Variants in ECH1 observed in about 807,000 individuals in gnomAD.
ECH1 encodes the protein enoyl-CoA hydratase 1.
A neutral mutation model predicts 37.0 loss-of-function variants in ECH1; 30 were observed. The observed-to-expected ratio is 0.81, with a 90% CI of 0.61 to 1.10. ECH1 has a LOEUF of 1.10. Among genes scored for constraint, ECH1 ranks in the 50% least tolerant of loss-of-function variants. The probability of loss-of-function intolerance (pLI) is 0.00; values close to 1 mark genes in which losing one functional copy is unlikely to be tolerated. For synonymous variants in ECH1, 178 were observed against 176.0 expected (o/e 1.01, Z -0.09); for missense variants, 456 against 441.6 (o/e 1.03, Z -0.29).
At chr19:38,822,143 T>G (rs1357513321) in intron 3 of ECH1, among the ~76,000 whole-genome samples, 1 of 151,828 alleles carries the variant, frequency 6.6e-6, no homozygotes, top group Non-Finnish European at 1.5e-5. Flanking sequence ...GGTTTGTAAA[T>G]GCACCAATCA....
At chr19:38,825,808 C>T (rs1039822306) in intron 3 of ECH1, among the ~76,000 whole-genome samples, 15 of 152,176 alleles carry the variant, frequency 9.9e-5, no homozygotes, top group African/African-American at 1.4e-4. Flanking sequence ...TCCACTATGC[C>T]GAGGCAATCA....
In ECH1 at chr19:38,831,783, T is replaced by C; in HGVS notation, c.-11A>G. The C allele has an allele frequency of 6.2e-7, 1 of 1,612,868 alleles. No homozygotes were observed. Among genetic ancestry groups the C allele is most frequent in the Non-Finnish European group, 8.5e-7 (1 of 1,179,644 alleles). On this transcript the variant is annotated 5_prime_UTR_variant, in exon 1 of 10. Transcript: ENST00000221418. ...TATCCCCGCCGCCATCGCCGCCGCC[T>C]TCGTCTACTGCGTTCGGACGGAGTA...
rs757291201 is a variant in ECH1 at position 38,831,276 on chromosome 19, C to G, written c.260+33G>C. On this transcript the variant is annotated intron_variant, in intron 2 of 9. Transcript: ENST00000221418. Reference sequence around the variant, plus strand: ...CCAGTCCCGCAGCCCCGCCTCCCCCCGCAGGCAGGCCTCCAGGATCTGCAG... The same window carrying G: ...CCAGTCCCGCAGCCCCGCCTCCCCCGGCAGGCAGGCCTCCAGGATCTGCAG... 1.9e-6 allele frequency: 3 copies of G among 1,606,490 alleles called. No homozygotes were observed. In the South Asian group the frequency reaches 3.3e-5, roughly 18 times the overall value.
At chr19:38,827,576 G>A (rs928042486) in intron 3 of ECH1, among the ~76,000 whole-genome samples, 2 of 152,056 alleles carry the variant, frequency 1.3e-5, no homozygotes, top group African/African-American at 4.8e-5. Context: ...GAAGTGAGGG[G>A]GGATATTCCA....
chr19:38,829,862 C>T (rs1160432579), intron 3 of ECH1, among the ~76,000 whole-genome samples: 1 of 151,442 alleles, frequency 6.6e-6, no homozygotes, highest in East Asian at 1.9e-4. Flanking sequence ...AATTTAAAAT[C>T]AGTGGGTAGT....
chr19:38,816,619 C>T (rs907733461), intron 6 of ECH1, 96 bp from the exon 7 acceptor site: 51 of 1,404,090 alleles, frequency 3.6e-5, no homozygotes, highest in Non-Finnish European at 4.8e-5. Flanking sequence ...TGGAGAGTCC[C>T]GCCCCACCTT....
intron 3 of ECH1, among the ~76,000 whole-genome samples, chr19:38,823,507 G>A (rs528968990): frequency 3.3e-4 from 50 of 152,242 alleles, no homozygotes; most frequent in African/African-American, 1.2e-3. Flanking sequence ...TAGCATGGCC[G>A]CTGGACTAAA....
chr19:38,831,730 G>A lies in ECH1; in HGVS notation c.43C>T (p.Leu15=). 6.2e-7 allele frequency: 1 copy of A among 1,613,706 alleles called. No individual in the cohort carries two copies. Among genetic ancestry groups the A allele is most frequent in the Non-Finnish European group, 8.5e-7 (1 of 1,179,926 alleles). Residue 15 remains leucine, a synonymous_variant, in exon 1 of 10, where the codon CTG becomes TTG. Transcript: ENST00000221418. The part of the protein sequence containing the change: ...IVASRRLRDL[L]TRRLTGSNYP... Reference sequence around the variant, plus strand: ...GCAAGAGGTGACTCACGCCGGGTCAGTAGGTCGCGGAGTCTGCGAGAAGCC... The same window carrying A: ...GCAAGAGGTGACTCACGCCGGGTCAATAGGTCGCGGAGTCTGCGAGAAGCC...
chr19:38,816,805 C>G (rs1361899444), intron 6 of ECH1: 27 of 621,840 alleles, frequency 4.3e-5, no homozygotes, highest in Non-Finnish European at 7.3e-5. Context: ...GACCCCTTTA[C>G]TGCATCCCCC....
intron 3 of ECH1, among the ~76,000 whole-genome samples, chr19:38,822,171 C>T (rs530613972): frequency 5.6e-5 from 8 of 142,758 alleles, no homozygotes; most frequent in Admixed American, 2.1e-4. Flanking sequence ...GTGTCTAGCT[C>T]ATCTGGTGGG....
chr19:38,815,773 G>A lies in ECH1; in HGVS notation c.883-56C>T, dbSNP rs559979174. ...GAGAGAGATTAGCAGGGGCCAATCA[G>A]GATAAAGCATGAGAGCACCCTGCAC... On this transcript the variant is annotated intron_variant, in intron 9 of 9. Coordinates refer to ENST00000221418, the MANE Select transcript of ECH1 (RefSeq NM_001398.3). 104 of 1,613,680 alleles carry A rather than the reference G, an allele frequency of 6.4e-5. No homozygotes were observed. The South Asian group carries it at 1.1e-3, about 17-fold the overall frequency.
At chr19:38,827,598 G>A (rs1387880031) in intron 3 of ECH1, among the ~76,000 whole-genome samples, 1 of 152,154 alleles carries the variant, frequency 6.6e-6, no homozygotes, top group Non-Finnish European at 1.5e-5. Context: ...AGAGGGGAGA[G>A]CCAGAGCGAG....
At chr19:38,818,932 T>TGCGCGCGCGCGCAC (rs1555721678) in intron 3 of ECH1, among the ~76,000 whole-genome samples, 10,301 of 142,804 alleles carry the variant, frequency 0.072, 593 homozygotes, top group Non-Finnish European at 0.11. Flanking sequence ...TGTGTGTGTG[T>TGCGCGCGCGCGCAC]GCACTGTTCC....
Position 38,823,254 on chromosome 19 carries a change from C to T in ECH1, c.350-5679G>A, listed in dbSNP as rs748978937. The stretch of plus-strand genomic sequence containing the variant: ...CTGTAACACTCACCACGAGATTCTG[C>T]GGCTTCATTCTTGAAGTCAGTGAGA... On this transcript the variant is annotated intron_variant, in intron 3 of 9. Coordinates refer to ENST00000221418, the MANE Select transcript of ECH1 (RefSeq NM_001398.3). The T allele has an allele frequency of 8.2e-5, 14 of 171,300 alleles. No individual in the cohort carries two copies. The South Asian group carries it at 1.4e-3, about 18-fold the overall frequency. The allele number at this position is 171,300 out of a possible 1,614,324, so 10.6% of individuals were successfully genotyped here. A position where few individuals can be genotyped will look rare whatever the true frequency, so the allele number is the denominator to read the frequency against.
In ECH1 at chr19:38,815,541, C is replaced by T; in HGVS notation, c.*72G>A. On this transcript the variant is annotated 3_prime_UTR_variant, in exon 10 of 10. Coordinates refer to ENST00000221418, the MANE Select transcript of ECH1 (RefSeq NM_001398.3). ...GAAGGCATAGAAACAACTGTCATCG[C>T]CCATCCTCCCTTTCTGTGGATGAGG... The T allele has an allele frequency of 2.1e-6, 3 of 1,449,496 alleles. No homozygotes were observed. The highest frequency in any genetic ancestry group is 3.5e-5 in the Admixed American group (2 of 57,760). The allele number at this position is 1,449,496 out of a possible 1,614,324, so 89.8% of individuals were successfully genotyped here.
At chr19:38,824,411 C>G (rs1971709279) in intron 3 of ECH1, among the ~76,000 whole-genome samples, 1 of 152,134 alleles carries the variant, frequency 6.6e-6, no homozygotes, top group Non-Finnish European at 1.5e-5. Context: ...ACAAAACAAA[C>G]CAAAACCGCG....
chr19:38,821,532 T>C (rs1971661908), intron 3 of ECH1, among the ~76,000 whole-genome samples: 1 of 152,156 alleles, frequency 6.6e-6, no homozygotes, highest in Non-Finnish European at 1.5e-5. Flanking sequence ...CTGCACGCAG[T>C]GCTCTCCGGC....
chr19:38,815,658 C>T lies in ECH1; in HGVS notation c.942G>A (p.Thr314=), dbSNP rs369437189. ...TQDLVKSVQA[T]TENKELKTVT... is the part of the protein sequence containing the mutation. ...CGGTTTTCAGTTCCTTGTTCTCAGT[C>T]GTGGCCTGGACCGACTTCACGAGGT... Residue 314 remains threonine, a synonymous_variant, in exon 10 of 10, where the codon ACG becomes ACA. Coordinates refer to ENST00000221418, the MANE Select transcript of ECH1 (RefSeq NM_001398.3). 9 of 1,614,038 alleles carry T rather than the reference C, an allele frequency of 5.6e-6. No homozygotes were observed. The highest frequency in any genetic ancestry group is 2.2e-5 in the East Asian group (1 of 44,894).
chr19:38,828,660 G>C lies in ECH1; in HGVS notation c.349+2418C>G, dbSNP rs375258853. Among the ~76,000 whole-genome samples, 8 of 152,078 alleles carry C rather than the reference G, an allele frequency of 5.3e-5. No individual in the cohort carries two copies. The East Asian group carries it at 9.8e-4, about 19-fold the overall frequency. ...AGAGGGAGTCTCGCTATGTCACCCA[G>C]GCTGGAGTGCAGTGGCGCCATCTCG... On this transcript the variant is annotated intron_variant, in intron 3 of 9. Transcript: ENST00000221418.
Sources: allele counts gnomAD v4.1 joint callset (sites outside exome capture counted in the v4.1 genomes callset), GRCh38; gene constraint gnomAD v4.1.1; transcripts MANE v1.5; gene names NCBI Gene and HGNC (gene_info 2026-07-23, HGNC 2026-07-21).